Variants in ZNF518A observed in about 807,000 individuals in gnomAD.
ZNF518A encodes zinc finger protein 518.
ZNF518A carries 47 observed loss-of-function variants against 102.7 expected under a neutral mutation model. That is an observed-to-expected ratio of 0.46 (90% CI 0.36 to 0.58). The LOEUF (loss-of-function observed/expected upper bound fraction) is 0.58. Ranked by LOEUF, ZNF518A falls within the 20% of genes least tolerant of loss-of-function variation. The pLI, the probability that ZNF518A is intolerant of heterozygous loss-of-function variation, is 0.00. For missense variants in ZNF518A, 1,793 were observed against 1,699.8 expected, an observed-to-expected ratio of 1.05 and a Z score of -0.96; for synonymous variants, 652 against 594.6, an observed-to-expected ratio of 1.10 and a Z score of -1.40.
rs1591299167 is a variant in ZNF518A, at chr10:96,201,203, C to G, written n.36-2371C>G. Reference sequence around the variant, plus strand: ...AGGCAATGGTTCCAAAAGTGTGGTCCAAGGACCCCTGGAAATCTCGAAAAT... The same window carrying G: ...AGGCAATGGTTCCAAAAGTGTGGTCGAAGGACCCCTGGAAATCTCGAAAAT... On this transcript the variant is annotated intron_variant and non_coding_transcript_variant, in intron 1 of 2. Transcript: ENST00000442635. 3 of 720,296 alleles carry G rather than the reference C, an allele frequency of 4.2e-6. No individual in the cohort carries two copies. In the East Asian group the frequency reaches 8.1e-5, roughly 19 times the overall value. The allele number at this position is 720,296 out of a possible 1,614,324, so 44.6% of individuals were successfully genotyped here.
At chr10:96,145,064 T>TTTGTTGTTGTTGTTGTTGTTGTTGTTG (rs56087328) in intron 3 of ZNF518A, among the ~76,000 whole-genome samples, 4 of 150,652 alleles carry the variant, frequency 2.7e-5, no homozygotes, top group South Asian at 2.1e-4. Context: ...ACATGTATGT[T>TTTGTTGTTGTTGTTGTTGTTGTTGTTG]TTGTTGTTGT....
At chr10:96,137,977 G>A (rs1293480159) in intron 3 of ZNF518A, among the ~76,000 whole-genome samples, 1 of 151,760 alleles carries the variant, frequency 6.6e-6, no homozygotes, top group Non-Finnish European at 1.5e-5. Context: ...TAGCAACTCA[G>A]TTCTTTCCAA....
rs782091605 is a variant in ZNF518A, at chr10:96,158,265, C to A, written c.1943C>A (p.Ser648Tyr). Reference sequence around the variant, plus strand: ...CATAATTACTCAAAAGTGAATAATTCTAATAAACGTCGTAGGTTTTCAGGA... The same window carrying A: ...CATAATTACTCAAAAGTGAATAATTATAATAAACGTCGTAGGTTTTCAGGA... Reference protein sequence around the residue: ...PFHNYSKVNNSNKRRRFSGTA... With the variant: ...PFHNYSKVNNYNKRRRFSGTA... Residue 648 changes from serine (S) to tyrosine (Y), a missense_variant, in exon 6 of 6, where the codon TCT (serine) becomes TAT (tyrosine). Physicochemically the swap from Ser to Tyr is moderately radical, Grantham distance 144. Around this residue, in one of 3 missense-constraint regions of ZNF518A, gnomAD observed 1,741 missense variants for 1,622.6 expected, o/e 1.07. Transcript: ENST00000316045. 1.2e-6 allele frequency: 2 copies of A among 1,613,418 alleles called. No individual in the cohort carries two copies. The highest frequency in any genetic ancestry group is 1.3e-5 in the African/African-American group (1 of 75,006).
chr10:96,191,854 C>A, intron 1 of ZNF518A: 1 of 1,388,396 alleles, frequency 7.2e-7, no homozygotes, highest in Non-Finnish European at 1.0e-6. Context: ...CTGACTCCAT[C>A]TTCCATTTTA....
intron 3 of ZNF518A, among the ~76,000 whole-genome samples, chr10:96,142,927 C>T (rs2082007447): frequency 6.6e-6 from 1 of 151,990 alleles, no homozygotes; most frequent in Non-Finnish European, 1.5e-5. Flanking sequence ...ATGTCTCAGC[C>T]TCCTGAGTAG....
At chr10:96,148,648 C>G (rs907296556) in intron 3 of ZNF518A, among the ~76,000 whole-genome samples, 13 of 152,156 alleles carry the variant, frequency 8.5e-5, no homozygotes, top group African/African-American at 3.1e-4. Context: ...GTTTTGACTC[C>G]CACTGTGGGG....
intron 3 of ZNF518A, among the ~76,000 whole-genome samples, chr10:96,147,961 C>G (rs1554879081): frequency 6.6e-6 from 1 of 152,112 alleles, no homozygotes; most frequent in African/African-American, 2.4e-5. Flanking sequence ...CTTGTTTCTC[C>G]TATTTTTCAT....
At chr10:96,199,194 G>A (rs1454676942) in intron 1 of ZNF518A, among the ~76,000 whole-genome samples, 2 of 152,162 alleles carry the variant, frequency 1.3e-5, no homozygotes, top group East Asian at 1.9e-4. Context: ...GTATGTAAAT[G>A]CTATATATTC....
At chr10:96,204,191 A>G (rs2083734631), downstream of ZNF518A, 1 of 1,215,598 alleles carries the variant, frequency 8.2e-7, no homozygotes, top group Non-Finnish European at 1.2e-6. Context: ...ATCACAAATA[A>G]ATCAATACAA....
chr10:96,177,741 A>T (rs2133889318), intron 1 of ZNF518A, among the ~76,000 whole-genome samples: 1 of 152,294 alleles, frequency 6.6e-6, no homozygotes, highest in Non-Finnish European at 1.5e-5. Context: ...TGGAAAACAA[A>T]AACTGGTGGG....
rs782190491 is a variant in ZNF518A at position 96,200,113 on chromosome 10, G to T, written n.36-3461G>T. 1.2e-6 allele frequency: 2 copies of T among 1,613,938 alleles called. No individual in the cohort carries two copies. The highest frequency in any genetic ancestry group is 1.1e-5 in the South Asian group (1 of 91,058). ...TGCAATGCCTCTTCAGCAGACTTTC[G>T]ATCACAGGCTCCAGCATACCATGGC... On this transcript the variant is annotated intron_variant and non_coding_transcript_variant, in intron 1 of 2. Transcript: ENST00000442635. The surrounding 1 kb of genome is among the most constrained non-coding windows in gnomAD (Gnocchi z 4.3).
downstream of ZNF518A, chr10:96,204,610 G>C: frequency 1.2e-6 from 2 of 1,613,920 alleles, no homozygotes; most frequent in Non-Finnish European, 1.7e-6. Flanking sequence ...AGCAGGTATA[G>C]GTTTTTCTGG....
chr10:96,189,668 G>C, intron 1 of ZNF518A: 2 of 718,790 alleles, frequency 2.8e-6, no homozygotes, highest in South Asian at 2.7e-5. Flanking sequence ...TTCTTCAATG[G>C]TGCTTTTTCT....
At chr10:96,178,738 A>G (rs887922049) in intron 1 of ZNF518A, among the ~76,000 whole-genome samples, 8 of 152,076 alleles carry the variant, frequency 5.3e-5, no homozygotes, top group Admixed American at 6.5e-5. Context: ...TAAAGAGGGG[A>G]CATTACTACA....
chr10:96,177,838 A>T (rs1229261175), intron 1 of ZNF518A, among the ~76,000 whole-genome samples: 1 of 152,144 alleles, frequency 6.6e-6, no homozygotes, highest in Non-Finnish European at 1.5e-5. Flanking sequence ...ATTTGTCAGG[A>T]TGAAAAAATG....
chr10:96,197,268 G>C (rs587615078), intron 1 of ZNF518A, among the ~76,000 whole-genome samples: 1 of 152,160 alleles, frequency 6.6e-6, no homozygotes, highest in East Asian at 1.9e-4. Context: ...AAAATCCTGA[G>C]TGAGATCAAT....
Position 96,163,018 on chromosome 10 carries a change from G to A in ZNF518A, c.*2244G>A, listed in dbSNP as rs587628449. 2 of 152,170 alleles carry A rather than the reference G, an allele frequency of 1.3e-5. No homozygotes were observed. The highest frequency in any genetic ancestry group is 4.1e-4 in the East Asian group (2 of 4,882). The allele number at this position is 152,170 out of a possible 1,614,324, so 9.4% of individuals were successfully genotyped here. A position where few individuals can be genotyped will look rare whatever the true frequency, so the allele number is the denominator to read the frequency against. On this transcript the variant is annotated 3_prime_UTR_variant, in exon 6 of 6. Coordinates refer to ENST00000316045, the MANE Select transcript of ZNF518A (RefSeq NM_001330736.2). ...TAAAATGCTCTGTTTGTTACATATA[G>A]ATCTGTTATGAGACATCACCTGCTG...
chr10:96,167,524 C>T (rs1554890499), downstream of ZNF518A, among the ~76,000 whole-genome samples: 1 of 152,098 alleles, frequency 6.6e-6, no homozygotes, highest in Non-Finnish European at 1.5e-5. Flanking sequence ...TCTAATGTCT[C>T]ACCAAGTAGA....
At position 96,130,423 on chromosome 10, in the gene ZNF518A, C is replaced by G. The variant is rs1010932825; in HGVS notation, c.-782C>G. On this transcript the variant is annotated 5_prime_UTR_variant, in exon 1 of 6. Transcript: ENST00000316045. Reference sequence around the variant, plus strand: ...ACTTCCGGGCTTTTTGAACTCTACACTCTCCTACATTCTAGGAGCTGGGTG... The same window carrying G: ...ACTTCCGGGCTTTTTGAACTCTACAGTCTCCTACATTCTAGGAGCTGGGTG... Among the ~76,000 whole-genome samples, 3 of 152,260 alleles carry G rather than the reference C, an allele frequency of 2.0e-5. No homozygotes were observed. Among genetic ancestry groups the G allele is most frequent in the Admixed American group, 6.5e-5 (1 of 15,292 alleles).
Sources: gnomAD v4.1 joint callset for allele counts (sites outside exome capture counted in the v4.1 genomes callset) on GRCh38, gnomAD v4.1.1 for gene constraint, gnomAD v4.1.1 regional missense constraint, Gnocchi (gnomAD v3.1) non-coding constraint, MANE v1.5 for transcripts, NCBI Gene and HGNC (gene_info 2026-07-23, HGNC 2026-07-21) for gene names.